The following KCNIP4 variants were observed in gnomAD, a reference collection of about 807,000 sequenced individuals.
KCNIP4 encodes the protein potassium voltage-gated channel interacting protein 4.
A neutral mutation model predicts 34.0 loss-of-function variants in KCNIP4; 12 were observed. The observed-to-expected ratio is 0.35, with a 90% CI of 0.23 to 0.57. The LOEUF (loss-of-function observed/expected upper bound fraction) is 0.57, where lower values mean the gene tolerates loss of function less well. KCNIP4 is among the 20% of genes least tolerant of loss of function. KCNIP4 has a pLI of 0.83. For synonymous variants in KCNIP4, 124 were observed against 102.2 expected, an observed-to-expected ratio of 1.21 and a Z score of -1.29; for missense variants, 238 against 311.7, an observed-to-expected ratio of 0.76 and a Z score of 1.78.
intron 1 of KCNIP4, among the ~76,000 whole-genome samples, chr4:21,484,219 G>T (rs1204537648): frequency 1.3e-5 from 2 of 152,180 alleles, no homozygotes; most frequent in Middle Eastern, 6.8e-3. Flanking sequence ...CTGAGGTCAG[G>T]AGTTCAAGAC....
intron 5 of KCNIP4, among the ~76,000 whole-genome samples, chr4:20,743,766 A>T (rs1432762072): frequency 6.6e-6 from 1 of 152,192 alleles, no homozygotes; most frequent in East Asian, 1.9e-4. Context: ...CAAAATTGAC[A>T]AATGGGATCT....
chr4:21,639,063 T>C (rs943501666), intron 1 of KCNIP4, among the ~76,000 whole-genome samples: 3 of 152,200 alleles, frequency 2.0e-5, no homozygotes, highest in African/African-American at 7.2e-5. Flanking sequence ...TAAAAGAATG[T>C]GAATAAATTT....
At chr4:21,064,640 A>G (rs911585212) in intron 1 of KCNIP4, among the ~76,000 whole-genome samples, 4 of 152,158 alleles carry the variant, frequency 2.6e-5, no homozygotes, top group Admixed American at 1.3e-4. Flanking sequence ...AAGAACTTAT[A>G]TAGAAGGGAA....
At chr4:21,065,472 G>A (rs776444871) in intron 1 of KCNIP4, among the ~76,000 whole-genome samples, 21 of 151,952 alleles carry the variant, frequency 1.4e-4, no homozygotes, top group Non-Finnish European at 2.5e-4. Flanking sequence ...GGTGCTTCTA[G>A]TATCTCAAAT....
chr4:21,675,848 C>T (rs1749850893), intron 1 of KCNIP4, among the ~76,000 whole-genome samples: 1 of 152,090 alleles, frequency 6.6e-6, no homozygotes, highest in Non-Finnish European at 1.5e-5. Flanking sequence ...CTTTTCAATG[C>T]CAAGTTTCAG....
At position 21,271,788 on chromosome 4, in the gene KCNIP4, T is replaced by C. The variant is rs868759278; in HGVS notation, c.62-389079A>G. 5.3e-5 allele frequency among the ~76,000 whole-genome samples: 8 copies of C among 152,264 alleles called. No individual in the cohort carries two copies. In the South Asian group the frequency reaches 6.2e-4, roughly 12 times the overall value. On this transcript the variant is annotated intron_variant, in intron 1 of 8. Transcript: ENST00000382152. Reference sequence around the variant, plus strand: ...AAGAAGGAAAAGGGACAGGAACTATTGGTTGAAACAGGAAAGGAAAGTAAT... The same window carrying C: ...AAGAAGGAAAAGGGACAGGAACTATCGGTTGAAACAGGAAAGGAAAGTAAT...
chr4:21,200,369 T>C (rs149746349), intron 1 of KCNIP4, among the ~76,000 whole-genome samples: 9,098 of 101,876 alleles, frequency 0.089, 922 homozygotes, highest in African/African-American at 0.19. Flanking sequence ...TATATATACA[T>C]ACATATATGT....
intron 1 of KCNIP4, among the ~76,000 whole-genome samples, chr4:21,374,162 C>T (rs977825286): frequency 6.8e-6 from 1 of 147,388 alleles, no homozygotes; most frequent in African/African-American, 2.7e-5. Context: ...TGTAAACCAA[C>T]ATGACTAACC....
At chr4:21,599,530 G>A (rs11728537) in intron 1 of KCNIP4, among the ~76,000 whole-genome samples, 104,382 of 151,882 alleles carry the variant, frequency 0.69, 36,325 homozygotes, top group East Asian at 0.9. Context: ...TACCATAAAT[G>A]GATTGACTTT....
intron 1 of KCNIP4, among the ~76,000 whole-genome samples, chr4:21,786,989 T>C (rs1719958695): frequency 6.6e-6 from 1 of 152,116 alleles, no homozygotes; most frequent in African/African-American, 2.4e-5. Flanking sequence ...AAGCCAGTGA[T>C]AAAACGAGAT....
At chr4:20,856,998 C>T (rs951581755) in intron 2 of KCNIP4, among the ~76,000 whole-genome samples, 1 of 147,044 alleles carries the variant, frequency 6.8e-6, no homozygotes, top group Non-Finnish European at 1.5e-5. Flanking sequence ...GCTGGAGGAT[C>T]AGTATAATTA....
chr4:21,551,371 CTG>C (rs1738568791), intron 1 of KCNIP4, among the ~76,000 whole-genome samples: 1 of 152,052 alleles, frequency 6.6e-6, no homozygotes, highest in Admixed American at 6.6e-5. Flanking sequence ...CACTGAATAA[CTG>C]TAATTTCTAC....
At chr4:21,298,926 G>A (rs1763998719) in intron 1 of KCNIP4, among the ~76,000 whole-genome samples, 1 of 152,110 alleles carries the variant, frequency 6.6e-6, no homozygotes, top group African/African-American at 2.4e-5. Flanking sequence ...TGCCCTTGAT[G>A]TTGTAATGCT....
chr4:21,020,933 G>A (rs1231017537), intron 1 of KCNIP4, among the ~76,000 whole-genome samples: 1 of 152,152 alleles, frequency 6.6e-6, no homozygotes, highest in African/African-American at 2.4e-5. Flanking sequence ...AACTTGCTAA[G>A]ACTTTTAAAT....
chr4:21,173,917 T>C (rs1471553778), intron 1 of KCNIP4, among the ~76,000 whole-genome samples: 2 of 152,210 alleles, frequency 1.3e-5, no homozygotes, highest in South Asian at 2.1e-4. Context: ...GGCTCTTGCT[T>C]ATGCTAAGGA....
chr4:21,107,566 A>G (rs28839481), intron 1 of KCNIP4, among the ~76,000 whole-genome samples: 34,494 of 139,294 alleles, frequency 0.25, 4,990 homozygotes, highest in African/African-American at 0.36. Flanking sequence ...TTGCCAGTCT[A>G]TGTCTTTTAA....
intron 1 of KCNIP4, among the ~76,000 whole-genome samples, chr4:20,948,033 G>T (rs62296170): frequency 7.2e-5 from 11 of 152,216 alleles, no homozygotes; most frequent in Non-Finnish European, 1.5e-4. Context: ...GCCATGGAAA[G>T]CCAACGAGGG....
At chr4:20,915,017 A>G (rs1367192914) in intron 1 of KCNIP4, among the ~76,000 whole-genome samples, 1 of 152,226 alleles carries the variant, frequency 6.6e-6, no homozygotes, top group East Asian at 1.9e-4. Flanking sequence ...TTGCAGTAAG[A>G]GAGTCTAAGA....
intron 1 of KCNIP4, among the ~76,000 whole-genome samples, chr4:21,571,912 A>G (rs931079933): frequency 6.6e-6 from 1 of 152,344 alleles, no homozygotes; most frequent in African/African-American, 2.4e-5. Flanking sequence ...TATCTAATCA[A>G]ACTCATAGGA....
Sources: gnomAD v4.1 joint callset for allele counts (sites outside exome capture counted in the v4.1 genomes callset) on GRCh38, gnomAD v4.1.1 for gene constraint, MANE v1.5 for transcripts, NCBI Gene and HGNC (gene_info 2026-07-23, HGNC 2026-07-21) for gene names.